Variants in CNTNAP5 observed in about 807,000 individuals in gnomAD.
CNTNAP5 encodes the protein contactin-associated protein-like 5.
CNTNAP5 carries 72 observed loss-of-function variants against 150.2 expected under a neutral mutation model. The ratio of observed to expected loss-of-function variants is 0.48; its 90% confidence interval spans 0.40 to 0.58. The LOEUF (loss-of-function observed/expected upper bound fraction) is 0.58. Ranked by LOEUF, CNTNAP5 falls within the 20% of genes least tolerant of loss-of-function variation. The pLI is 0.00. For synonymous variants in CNTNAP5, 672 were observed against 619.8 expected (o/e 1.08, Z -1.25); for missense variants, 1,636 against 1,626.2 (o/e 1.01, Z -0.10).
intron 8 of CNTNAP5, among the ~76,000 whole-genome samples, chr2:124,519,608 AG>A (rs1242971176): frequency 6.6e-6 from 1 of 152,192 alleles, no homozygotes. Context: ...CTATTACATG[AG>A]GGCAATCAAC....
intron 1 of CNTNAP5, among the ~76,000 whole-genome samples, chr2:124,048,465 A>G (rs1228173524): frequency 1.3e-5 from 2 of 152,170 alleles, no homozygotes; most frequent in African/African-American, 2.4e-5. Context: ...CCAAGATATT[A>G]CCTGATAACA....
At chr2:124,416,236 T>A (rs1040042626) in intron 3 of CNTNAP5, among the ~76,000 whole-genome samples, 1 of 152,198 alleles carries the variant, frequency 6.6e-6, no homozygotes, top group Non-Finnish European at 1.5e-5. Context: ...TAAGAGAGAA[T>A]TGAGGCTACT....
chr2:124,069,340 A>G (rs1215188637), intron 1 of CNTNAP5, among the ~76,000 whole-genome samples: 1 of 152,160 alleles, frequency 6.6e-6, no homozygotes, highest in Non-Finnish European at 1.5e-5. Flanking sequence ...AATACCAGGT[A>G]TATTTCAAAG....
chr2:124,210,202 GAATATA>G (rs1282412309), intron 1 of CNTNAP5, among the ~76,000 whole-genome samples: 11 of 152,172 alleles, frequency 7.2e-5, no homozygotes, highest in African/African-American at 2.6e-4. Context: ...CTTGCCATCT[GAATATA>G]AATATATGGT....
At chr2:124,756,591 G>C (rs2105156564) in intron 14 of CNTNAP5, among the ~76,000 whole-genome samples, 1 of 152,282 alleles carries the variant, frequency 6.6e-6, no homozygotes, top group African/African-American at 2.4e-5. Context: ...TCATAAAAGT[G>C]AATGAGATCA....
chr2:124,077,357 T>A (rs1227848154), intron 1 of CNTNAP5, among the ~76,000 whole-genome samples: 6 of 152,108 alleles, frequency 3.9e-5, no homozygotes, highest in Non-Finnish European at 8.8e-5. Context: ...TGCTAATAGG[T>A]CATTCTCCTA....
chr2:124,881,318 A>G (rs959933396), intron 21 of CNTNAP5, among the ~76,000 whole-genome samples: 9 of 152,032 alleles, frequency 5.9e-5, no homozygotes, highest in African/African-American at 1.9e-4. Context: ...GCAGTTTGTA[A>G]AATAAGAATT....
chr2:124,149,579 C>T (rs1684354091), intron 1 of CNTNAP5, among the ~76,000 whole-genome samples: 1 of 151,988 alleles, frequency 6.6e-6, no homozygotes, highest in African/African-American at 2.4e-5. Flanking sequence ...TTCTCTTTAG[C>T]TAAGAAATTT....
At chr2:124,571,527 CTTTTTTT>C (rs1214169811) in intron 11 of CNTNAP5, among the ~76,000 whole-genome samples, 3 of 46,844 alleles carry the variant, frequency 6.4e-5, no homozygotes, top group African/African-American at 1.0e-4. Flanking sequence ...TTTCTTTTTT[CTTTTTTT>C]TTTTTTTTTT....
At chr2:124,054,219 G>A (rs1441595009) in intron 1 of CNTNAP5, among the ~76,000 whole-genome samples, 2 of 152,070 alleles carry the variant, frequency 1.3e-5, no homozygotes, top group Non-Finnish European at 2.9e-5. Context: ...TGTGCACTTG[G>A]CTTTTTGTCT....
intron 3 of CNTNAP5, among the ~76,000 whole-genome samples, chr2:124,297,213 T>C (rs1231930568): frequency 6.6e-6 from 1 of 152,214 alleles, no homozygotes; most frequent in Non-Finnish European, 1.5e-5. Context: ...GTATGTTTGA[T>C]AAAATATTTG....
At chr2:124,295,869 G>A (rs1688417224) in intron 3 of CNTNAP5, among the ~76,000 whole-genome samples, 1 of 152,088 alleles carries the variant, frequency 6.6e-6, no homozygotes, top group African/African-American at 2.4e-5. Context: ...GACTTTGATT[G>A]ATTTTCACTC....
At chr2:124,094,195 A>G (rs1682879902) in intron 1 of CNTNAP5, among the ~76,000 whole-genome samples, 1 of 152,236 alleles carries the variant, frequency 6.6e-6, no homozygotes. Flanking sequence ...AAGGGCAGAA[A>G]TGGTCACCAG....
At chr2:124,781,565 A>G (rs1047919885) in intron 17 of CNTNAP5, among the ~76,000 whole-genome samples, 3 of 152,136 alleles carry the variant, frequency 2.0e-5, no homozygotes, top group Non-Finnish European at 4.4e-5. Context: ...TCACTTATTC[A>G]GGTATCTGGG....
chr2:124,163,903 A>T (rs1267638551), intron 1 of CNTNAP5, among the ~76,000 whole-genome samples: 1 of 151,988 alleles, frequency 6.6e-6, no homozygotes, highest in African/African-American at 2.4e-5. Context: ...CAACATTCAC[A>T]ACTTGATCAT....
chr2:124,783,124 G>A (rs1390660451), intron 17 of CNTNAP5, among the ~76,000 whole-genome samples: 13 of 152,172 alleles, frequency 8.5e-5, no homozygotes, highest in Admixed American at 8.5e-4. Context: ...GGTGACTGGA[G>A]GGAAGCTTCT....
chr2:124,715,718 A>G (rs904235235), intron 13 of CNTNAP5, among the ~76,000 whole-genome samples: 1 of 152,118 alleles, frequency 6.6e-6, no homozygotes, highest in African/African-American at 2.4e-5. Context: ...AACTTGCTAC[A>G]AAGAAGCCTT....
chr2:124,664,001 A>G (rs1460045992), intron 13 of CNTNAP5, among the ~76,000 whole-genome samples: 3 of 152,194 alleles, frequency 2.0e-5, no homozygotes, highest in Non-Finnish European at 4.4e-5. Flanking sequence ...CTGAGTTTTC[A>G]AAAACAGTAA....
chr2:124,134,727 C>A (rs1452665031), intron 1 of CNTNAP5, among the ~76,000 whole-genome samples: 1 of 152,124 alleles, frequency 6.6e-6, no homozygotes, highest in Non-Finnish European at 1.5e-5. Flanking sequence ...TAGTTTTTTA[C>A]ATGTACTTGG....
Sources: gnomAD v4.1 joint callset for allele counts (sites outside exome capture counted in the v4.1 genomes callset) on GRCh38, gnomAD v4.1.1 for gene constraint, MANE v1.5 for transcripts, NCBI Gene and HGNC (gene_info 2026-07-23, HGNC 2026-07-21) for gene names.